Variants in C22orf39 observed in about 807,000 individuals in gnomAD.
C22orf39 encodes the protein chromosome 22 open reading frame 39.
A neutral mutation model predicts 18.3 loss-of-function variants in C22orf39; 20 were observed. The observed-to-expected ratio is 1.09, with a 90% CI of 0.77 to 1.59. The LOEUF (loss-of-function observed/expected upper bound fraction) is 1.59. Ranked by LOEUF, C22orf39 falls within the 40% of genes most tolerant of loss-of-function variation. The probability of loss-of-function intolerance (pLI) is 0.00; values close to 1 mark genes in which losing one functional copy is unlikely to be tolerated. For missense variants in C22orf39, 195 were observed against 156.1 expected, an observed-to-expected ratio of 1.25 and a Z score of -1.33; for synonymous variants, 63 against 59.6, an observed-to-expected ratio of 1.06 and a Z score of -0.26.
At chr22:19,445,099 T>C (rs2089633265) in intron 2 of C22orf39, among the ~76,000 whole-genome samples, 1 of 152,224 alleles carries the variant, frequency 6.6e-6, no homozygotes, top group Non-Finnish European at 1.5e-5. Context: ...ATAAAATATT[T>C]TGATCGTGTT....
Position 19,447,535 on chromosome 22 carries a change from G to T in C22orf39, c.35C>A (p.Pro12His). Residue 12 changes from proline (P) to histidine (H), a missense_variant, in exon 2 of 3, where the codon CCC (proline) becomes CAC (histidine). By Grantham distance (77) the Pro-to-His change is moderately conservative. Coordinates refer to ENST00000399562, the MANE Select transcript of C22orf39 (RefSeq NM_173793.5). ...CCACTCGGCGCGGTAGGCCTCGCAG[G>T]GGCGCGGCGGCTGCGGCGAGAGGCG... ...ADGSGWQPPR[P>H]CEAYRAEWKL... is the part of the protein sequence containing the mutation. 6.9e-7 allele frequency: 1 copy of T among 1,443,436 alleles called. No homozygotes were observed. The highest frequency in any genetic ancestry group is 2.9e-5 in the East Asian group (1 of 34,220). The allele number at this position is 1,443,436 out of a possible 1,614,324, so 89.4% of individuals were successfully genotyped here.
chr22:19,443,090 CA>C lies in C22orf39; in HGVS notation c.*1174del. On this transcript the variant is annotated 3_prime_UTR_variant, in exon 3 of 3. Coordinates refer to ENST00000399562, the MANE Select transcript of C22orf39 (RefSeq NM_173793.5). Reference sequence around the variant, plus strand: ...ATCCCGTGAGCACAACCCCCACCCCCACCCCCACTGTTCACAGACACAGGGG... The same window carrying C: ...ATCCCGTGAGCACAACCCCCACCCCCCCCCCACTGTTCACAGACACAGGGG... The C allele has an allele frequency of 3.3e-5, 25 of 747,718 alleles. No homozygotes were observed. The highest frequency in any genetic ancestry group is 3.9e-5 in the Non-Finnish European group (24 of 614,218). 46.3% of individuals were successfully genotyped at this position (747,718 alleles called of 1,614,324 possible).
At chr22:19,446,172 GAAAT>G (rs1322630760) in intron 2 of C22orf39, among the ~76,000 whole-genome samples, 1 of 152,078 alleles carries the variant, frequency 6.6e-6, no homozygotes, top group African/African-American at 2.4e-5. Context: ...TTTCCATTCT[GAAAT>G]AATCCCTATA....
intron 2 of C22orf39, among the ~76,000 whole-genome samples, chr22:19,446,964 T>C (rs2089643675): frequency 6.6e-6 from 1 of 152,192 alleles, no homozygotes; most frequent in Non-Finnish European, 1.5e-5. Context: ...GCCAGGTCCC[T>C]GGTATACCGC....
intron 2 of C22orf39, among the ~76,000 whole-genome samples, chr22:19,446,389 TTAA>T (rs961155289): frequency 3.9e-5 from 6 of 152,214 alleles, no homozygotes; most frequent in African/African-American, 1.4e-4. Context: ...CTGTATACAC[TTAA>T]TAATGTTGAA....
chr22:19,445,290 C>T (rs182441550), intron 2 of C22orf39, among the ~76,000 whole-genome samples: 5 of 152,306 alleles, frequency 3.3e-5, no homozygotes, highest in Non-Finnish European at 5.9e-5. Flanking sequence ...TTTCACTAAA[C>T]AATACACTGT....
rs1326398854 is a variant in C22orf39 at position 19,444,374 on chromosome 22, C to G, written c.209G>C (p.Ser70Thr). ...NAEAQQSLCE[S>T]ERARVRAARK... ...TGCAGCCCGGACTCGTGCCCGCTCG[C>G]TCTCACAGAGGGATTGCTGTGCAAA... Residue 70 changes from serine (S) to threonine (T), a missense_variant, in exon 3 of 3, where the codon AGC becomes ACC. Physicochemically the swap from Ser to Thr is moderately conservative, Grantham distance 58. Coordinates refer to ENST00000399562, the MANE Select transcript of C22orf39 (RefSeq NM_173793.5). The G allele has an allele frequency of 6.2e-7, 1 of 1,602,456 alleles. No individual in the cohort carries two copies. Among genetic ancestry groups the G allele is most frequent in the South Asian group, 1.1e-5 (1 of 89,708 alleles).
chr22:19,444,521 C>T, intron 2 of C22orf39, 131 bp from the exon 3 acceptor site: 8 of 849,418 alleles, frequency 9.4e-6, no homozygotes, highest in Non-Finnish European at 1.4e-5. Flanking sequence ...CTCTGCAGCA[C>T]AGCTGCTTCC....
Position 19,443,081 on chromosome 22 carries a change from C to A in C22orf39, c.*1184G>T, listed in dbSNP as rs1016941334. On this transcript the variant is annotated 3_prime_UTR_variant, in exon 3 of 3. Transcript: ENST00000399562. ...GCTCTTGGGATCCCGTGAGCACAACCCCCACCCCCACCCCCACTGTTCACA... is the reference window on the plus strand; with the variant it reads ...GCTCTTGGGATCCCGTGAGCACAACACCCACCCCCACCCCCACTGTTCACA... 2.6e-6 allele frequency: 2 copies of A among 783,992 alleles called. No individual in the cohort carries two copies. The highest frequency in any genetic ancestry group is 3.1e-6 in the Non-Finnish European group (2 of 647,690). The allele number at this position is 783,992 out of a possible 1,614,324, so 48.6% of individuals were successfully genotyped here.
chr22:19,446,363 C>T (rs2089639500), intron 2 of C22orf39, among the ~76,000 whole-genome samples: 1 of 152,158 alleles, frequency 6.6e-6, no homozygotes, highest in Non-Finnish European at 1.5e-5. Flanking sequence ...CACATCAGTT[C>T]ATCTCTTTCA....
rs913883349 is a variant in C22orf39, at chr22:19,441,643, C to T, written c.*2622G>A. 4 of 1,396,402 alleles carry T rather than the reference C, an allele frequency of 2.9e-6. No individual in the cohort carries two copies. The South Asian group carries it at 4.9e-5, about 17-fold the overall frequency. The allele number at this position is 1,396,402 out of a possible 1,614,324, so 86.5% of individuals were successfully genotyped here. On this transcript the variant is annotated 3_prime_UTR_variant, in exon 3 of 3. Transcript: ENST00000399562. ...TCCTATCCTCAAGTGATTCTTCTGC[C>T]TCAGCCTCCCAAGTAGCTGAGATTA...
At chr22:19,445,737 C>G (rs928151168) in intron 2 of C22orf39, among the ~76,000 whole-genome samples, 6 of 152,044 alleles carry the variant, frequency 3.9e-5, no homozygotes, top group Non-Finnish European at 7.4e-5. Flanking sequence ...TGCAGTGACA[C>G]GATCTCGGCT....
rs142545432 is a variant in C22orf39 at position 19,445,800 on chromosome 22, G to A, written c.193-1410C>T. On this transcript the variant is annotated intron_variant, in intron 2 of 2. Coordinates refer to ENST00000399562, the MANE Select transcript of C22orf39 (RefSeq NM_173793.5). Reference sequence around the variant, plus strand: ...AACAATTCTCCTATCTCAGCCTCCCGAGTAGCTGAGATTACAGGTGTTTGC... The same window carrying A: ...AACAATTCTCCTATCTCAGCCTCCCAAGTAGCTGAGATTACAGGTGTTTGC... 2.9e-3 allele frequency among the ~76,000 whole-genome samples: 444 copies of A among 152,054 alleles called. 1 individual carries two copies. Among genetic ancestry groups the A allele is most frequent in the African/African-American group, 0.01 (419 of 41,470 alleles).
Position 19,443,675 on chromosome 22 carries a change from G to A in C22orf39, c.*590C>T. ...ATTTCTTAAAAACCAGAGTCTCCAG[G>A]GGCCGACCTGGGAGCCTAAGAAGTG... On this transcript the variant is annotated 3_prime_UTR_variant, in exon 3 of 3. Transcript: ENST00000399562. The A allele has an allele frequency of 1.0e-6, 1 of 985,020 alleles. No homozygotes were observed. Among genetic ancestry groups the A allele is most frequent in the Non-Finnish European group, 1.2e-6 (1 of 829,892 alleles). The allele number at this position is 985,020 out of a possible 1,614,324, so 61.0% of individuals were successfully genotyped here. A position where few individuals can be genotyped will look rare whatever the true frequency, so the allele number is the denominator to read the frequency against.
chr22:19,447,263 G>C (rs2089646416), intron 2 of C22orf39, 115 bp downstream of exon 2: 8 of 1,116,104 alleles, frequency 7.2e-6, no homozygotes, highest in Non-Finnish European at 8.3e-6. Context: ...AGCGTGAGGA[G>C]GATAGGGACC....
chr22:19,446,504 G>A (rs1277502623), intron 2 of C22orf39, among the ~76,000 whole-genome samples: 3 of 152,088 alleles, frequency 2.0e-5, no homozygotes, highest in Non-Finnish European at 4.4e-5. Flanking sequence ...GGGGTCCACC[G>A]TAGCACTGTA....
In C22orf39 at chr22:19,447,498, G is replaced by A. The variant is rs1410991268; in HGVS notation, c.72C>T (p.Arg24=). 3.3e-6 allele frequency: 5 copies of A among 1,496,148 alleles called. No individual in the cohort carries two copies. The highest frequency in any genetic ancestry group is 2.9e-5 in the African/African-American group (2 of 69,248). The allele number at this position is 1,496,148 out of a possible 1,614,324, so 92.7% of individuals were successfully genotyped here. A position where few individuals can be genotyped will look rare whatever the true frequency, so the allele number is the denominator to read the frequency against. The part of the protein sequence containing the change: ...EAYRAEWKLC[R]SARHFLHHYY... ...AGTGGTGTAGGAAGTGCCTGGCGCT[G>A]CGGCAGAGCTTCCACTCGGCGCGGT... is the stretch of plus-strand genomic sequence containing the variant. The change falls in exon 2 of 3, where the codon CGC becomes CGT. Residue 24 remains arginine, a synonymous_variant. Transcript: ENST00000399562.
At position 19,442,127 on chromosome 22, in the gene C22orf39, T is replaced by C; in HGVS notation, c.*2138A>G. The C allele has an allele frequency of 6.3e-6, 1 of 157,672 alleles. No individual in the cohort carries two copies. The highest frequency in any genetic ancestry group is 1.4e-5 in the Non-Finnish European group (1 of 71,402). 9.8% of individuals were successfully genotyped at this position (157,672 alleles called of 1,614,324 possible). On this transcript the variant is annotated 3_prime_UTR_variant, in exon 3 of 3. Transcript: ENST00000399562. ...TTCCTATTTATTGATGTTTAATGTCTGTCTTTTACCCAAACTACAACAGAA... is the reference window on the plus strand; with the variant it reads ...TTCCTATTTATTGATGTTTAATGTCCGTCTTTTACCCAAACTACAACAGAA...
chr22:19,446,229 C>T (rs565308525), intron 2 of C22orf39, among the ~76,000 whole-genome samples: 3 of 152,142 alleles, frequency 2.0e-5, no homozygotes, highest in African/African-American at 7.2e-5. Flanking sequence ...TACACACACA[C>T]GCACATATAT....
Sources: gnomAD v4.1 joint callset for allele counts (sites outside exome capture counted in the v4.1 genomes callset) on GRCh38, gnomAD v4.1.1 for gene constraint, MANE v1.5 for transcripts, NCBI Gene and HGNC (gene_info 2026-07-23, HGNC 2026-07-21) for gene names.